UBE3B: variants seen among roughly 807,000 people sequenced by gnomAD.
UBE3B encodes the protein ubiquitin protein ligase E3B.
Under a neutral mutation model 132.3 loss-of-function variants are expected in UBE3B, and 80 were observed. That is an observed-to-expected ratio of 0.60 (90% confidence interval 0.50 to 0.73). UBE3B has a LOEUF of 0.73. Ranked by LOEUF, UBE3B falls within the 30% of genes least tolerant of loss-of-function variation. The probability of loss-of-function intolerance (pLI) is 0.00; values close to 1 mark genes in which losing one functional copy is unlikely to be tolerated. For missense variants in UBE3B, 1,196 were observed against 1,362.5 expected (o/e 0.88, Z 1.92); for synonymous variants, 487 against 520.4 (o/e 0.94, Z 0.87).
rs1183376795 is a variant in UBE3B at position 109,536,491 on chromosome 12, AAGG to A, written c.*1713_*1715del. On this transcript the variant is annotated 3_prime_UTR_variant, in exon 28 of 28. Coordinates refer to ENST00000342494, the MANE Select transcript of UBE3B (RefSeq NM_130466.4). ...TATCAACTTCATGTGGATTTTTGAC[AAGG>A]AGGGGTAGTTTGTAATTTCATTTAA... The A allele has an allele frequency of 6.8e-5, 4 of 58,754 alleles. No homozygotes were observed. The highest frequency in any genetic ancestry group is 3.8e-4 in the African/African-American group (4 of 10,516). 3.6% of individuals were successfully genotyped at this position (58,754 alleles called of 1,614,324 possible).
Position 109,498,365 on chromosome 12 carries a change from TGG to T in UBE3B, c.940+13_940+14del. ...GCTTTGTCTAATGGGTAAGTATCCGTGGCTGGAACTTGATTGTGTCCTGGCCA... is the reference window on the plus strand; with the variant it reads ...GCTTTGTCTAATGGGTAAGTATCCGTCTGGAACTTGATTGTGTCCTGGCCA... On this transcript the variant is annotated intron_variant, in intron 11 of 27. Coordinates refer to ENST00000342494, the MANE Select transcript of UBE3B (RefSeq NM_130466.4). The T allele has an allele frequency of 6.2e-7, 1 of 1,612,058 alleles. No individual in the cohort carries two copies. The highest frequency in any genetic ancestry group is 8.5e-7 in the Non-Finnish European group (1 of 1,178,428).
the UBE3B span, among the ~76,000 whole-genome samples, chr12:109,545,876 C>G: frequency 6.6e-6 from 1 of 152,168 alleles, no homozygotes; most frequent in Non-Finnish European, 1.5e-5. Flanking sequence ...CAGCTGCCCC[C>G]CAGGCACAGA....
At chr12:109,492,788 G>GT (rs1877666206) in intron 9 of UBE3B, 1 of 150,490 alleles carries the variant, frequency 6.6e-6, no homozygotes, top group South Asian at 2.1e-4. Flanking sequence ...ATAATGATAT[G>GT]TTTTTATTTA....
At chr12:109,511,753 C>G (rs1244686872) in intron 18 of UBE3B, among the ~76,000 whole-genome samples, 2 of 152,124 alleles carry the variant, frequency 1.3e-5, no homozygotes, top group Non-Finnish European at 2.9e-5. Flanking sequence ...GGAGCAAGGG[C>G]TTTCTGCAAA....
intron 16 of UBE3B, 131 bp from the exon 17 acceptor site, chr12:109,510,213 G>A (rs1880187334): frequency 1.4e-6 from 1 of 738,080 alleles, no homozygotes; most frequent in Admixed American, 2.7e-5. Flanking sequence ...TTTTAATTCT[G>A]TCGGTTCCAC....
chr12:109,490,148 T>G, intron 8 of UBE3B, 144 bp downstream of exon 8: 1 of 917,972 alleles, frequency 1.1e-6, no homozygotes, highest in Non-Finnish European at 1.7e-6. Context: ...GTCCTCTTCT[T>G]CCTTCCCCTG....
chr12:109,490,849 G>T (rs2135842110), intron 8 of UBE3B, 196 bp from the exon 9 acceptor site: 7 of 1,126,372 alleles, frequency 6.2e-6, no homozygotes, highest in Non-Finnish European at 8.4e-6. Flanking sequence ...AGACAGGGTT[G>T]CCCTGTCACC....
At position 109,521,515 on chromosome 12, in the gene UBE3B, G is replaced by A; in HGVS notation, c.2328G>A (p.Glu776=). Residue 776 remains glutamate (E), a synonymous_variant, in exon 21 of 28, where the codon GAG becomes GAA. Transcript: ENST00000342494. This position sits in a 1 kb window ranked among gnomAD's most constrained non-coding sequence, Gnocchi z 4.2. ...ATGAGAATTACCTGCAGCTCTTCGA[G>A]TTTGTGGGGAAGATGCTGGGGAAGG... ...YIHENYLQLF[E]FVGKMLGKAV... 6.2e-7 allele frequency: 1 copy of A among 1,601,510 alleles called. No homozygotes were observed. Among genetic ancestry groups the A allele is most frequent in the Non-Finnish European group, 8.5e-7 (1 of 1,171,560 alleles).
At chr12:109,533,633 G>T (rs1289861618) in intron 27 of UBE3B, 75 bp downstream of exon 27, 7 of 1,353,226 alleles carry the variant, frequency 5.2e-6, no homozygotes, top group Non-Finnish European at 6.3e-6. Flanking sequence ...ACTGTGCAAG[G>T]CCCTTATCTA....
intron 9 of UBE3B, 47 bp from the exon 10 acceptor site, chr12:109,497,771 G>T: frequency 6.3e-7 from 1 of 1,584,266 alleles, no homozygotes; most frequent in African/African-American, 1.3e-5. Context: ...TTTTGTTCTG[G>T]ATGCACACGG....
At chr12:109,484,660 GA>G (rs1876089575) in intron 4 of UBE3B, among the ~76,000 whole-genome samples, 1 of 152,026 alleles carries the variant, frequency 6.6e-6, no homozygotes, top group Admixed American at 6.6e-5. Flanking sequence ...AGAGTGCTGG[GA>G]TTACAGGCGT....
Position 109,534,140 on chromosome 12 carries a change from A to G in UBE3B, c.3016-451A>G, listed in dbSNP as rs887291786. 3.9e-6 allele frequency: 5 copies of G among 1,291,774 alleles called. No homozygotes were observed. The highest frequency in any genetic ancestry group is 5.0e-6 in the Non-Finnish European group (5 of 992,854). The allele number at this position is 1,291,774 out of a possible 1,614,324, so 80.0% of individuals were successfully genotyped here. A position where few individuals can be genotyped will look rare whatever the true frequency, so the allele number is the denominator to read the frequency against. On this transcript the variant is annotated intron_variant, in intron 27 of 27. Transcript: ENST00000342494. The surrounding 1 kb of genome is among the most constrained non-coding windows in gnomAD (Gnocchi z 5.2). ...TCTCATGATGCAGTTTGAGCCCGTG[A>G]TGCCACCTTGTACAGGAAGCTACAC...
At chr12:109,533,622 C>A in intron 27 of UBE3B, 64 bp downstream of exon 27, 2 of 1,452,938 alleles carry the variant, frequency 1.4e-6, no homozygotes, top group South Asian at 1.1e-5. Context: ...CTGCTGTGCC[C>A]ACTGTGCAAG....
chr12:109,478,899 G>A (rs945089958), intron 1 of UBE3B, among the ~76,000 whole-genome samples: 1 of 152,244 alleles, frequency 6.6e-6, no homozygotes, highest in Admixed American at 6.5e-5. Context: ...CATTAAACCT[G>A]GTGGCCCAGC....
At position 109,494,085 on chromosome 12, in the gene UBE3B, C is replaced by T. The variant is rs558631820; in HGVS notation, c.713+2958C>T. Among the ~76,000 whole-genome samples the T allele has an allele frequency of 3.3e-5, 5 of 152,264 alleles. No individual in the cohort carries two copies. In the East Asian group the frequency reaches 9.7e-4, roughly 29 times the overall value. On this transcript the variant is annotated intron_variant, in intron 9 of 27. Coordinates refer to ENST00000342494, the MANE Select transcript of UBE3B (RefSeq NM_130466.4). ...AAGCGATCCTCATGCCTCAGCCTCT[C>T]AAAAAGTGCTGGAATTATAGGAGTG...
chr12:109,483,709 T>C lies in UBE3B; in HGVS notation c.158T>C (p.Ile53Thr), dbSNP rs770898948. Residue 53 changes from isoleucine (I) to threonine (T), a missense_variant, in exon 3 of 28, where the codon ATC (isoleucine) becomes ACC (threonine). Coordinates refer to ENST00000342494, the MANE Select transcript of UBE3B (RefSeq NM_130466.4). ...FLCRSRLQRD[I>T]RREIDDFFKA... Reference sequence around the variant, plus strand: ...TGTCGGAGTCGACTGCAGAGAGATATCAGGTAAGGGCTAGGATCTCCCTAG... The same window carrying C: ...TGTCGGAGTCGACTGCAGAGAGATACCAGGTAAGGGCTAGGATCTCCCTAG... 28 of 1,601,142 alleles carry C rather than the reference T, an allele frequency of 1.7e-5. No homozygotes were observed. The highest frequency in any genetic ancestry group is 1.7e-4 in the Middle Eastern group (1 of 5,992).
At chr12:109,485,990 C>T (rs1876360048) in intron 4 of UBE3B, 22 bp from the exon 5 acceptor site, 1 of 1,552,058 alleles carries the variant, frequency 6.4e-7, no homozygotes, top group South Asian at 1.2e-5. Flanking sequence ...GAATGTATAA[C>T]CCCCAGTGTG....
chr12:109,547,455 G>A, the UBE3B span, among the ~76,000 whole-genome samples: 2 of 152,236 alleles, frequency 1.3e-5, no homozygotes, highest in Non-Finnish European at 2.9e-5. This position sits in a 1 kb window ranked among gnomAD's most constrained non-coding sequence, Gnocchi z 4.1. Flanking sequence ...GCGTACGCGC[G>A]CACACACATG....
chr12:109,524,547 G>C, intron 23 of UBE3B, 44 bp downstream of exon 23: 2 of 1,600,848 alleles, frequency 1.2e-6, no homozygotes, highest in Non-Finnish European at 1.7e-6. Context: ...CTGCCCCCAT[G>C]GGCTCCTGAG....
Sources: allele counts gnomAD v4.1 joint callset (sites outside exome capture counted in the v4.1 genomes callset), GRCh38; gene constraint gnomAD v4.1.1; non-coding constraint Gnocchi (gnomAD v3.1); transcripts MANE v1.5; gene names NCBI Gene and HGNC (gene_info 2026-07-23, HGNC 2026-07-21).